The following PCNT variants were observed in gnomAD, a reference collection of about 807,000 sequenced individuals.
PCNT encodes pericentrin, also known as kendrin.
PCNT carries 319 observed loss-of-function variants against 380.4 expected under a neutral mutation model. The ratio of observed to expected loss-of-function variants is 0.84; its 90% CI spans 0.77 to 0.92. PCNT has a LOEUF of 0.92. Among genes scored for constraint, PCNT ranks in the 40% least tolerant of loss-of-function variants. The pLI, the probability that PCNT is intolerant of heterozygous loss-of-function variation, is 0.00. For synonymous variants in PCNT, 1,845 were observed against 1,735.2 expected, an observed-to-expected ratio of 1.06 and a Z score of -1.57; for missense variants, 4,400 against 4,255.3, an observed-to-expected ratio of 1.03 and a Z score of -0.95.
At chr21:46,359,507 T>TTTTTTTTTTTTTTTTTTTTTTTTTTTTA (rs2084626606) in intron 13 of PCNT, among the ~76,000 whole-genome samples, 1 of 120,786 alleles carries the variant, frequency 8.3e-6, no homozygotes, top group Non-Finnish European at 1.8e-5. Context: ...TTTTTTTTTT[T>TTTTTTTTTTTTTTTTTTTTTTTTTTTTA]GAGACAGTGT....
In PCNT at chr21:46,428,486, G is replaced by T. The variant is rs769605015; in HGVS notation, c.7586G>T (p.Arg2529Leu). 1.9e-6 allele frequency: 3 copies of T among 1,612,276 alleles called. No individual in the cohort carries two copies. The highest frequency in any genetic ancestry group is 2.5e-6 in the Non-Finnish European group (3 of 1,179,816). ...SEIQALRAQL[R>L]MTHLQNQEKL... ...ATCCAGGCGCTGCGTGCCCAGCTGC[G>T]CATGACGCACCTGCAGAACCAGGAG... is the stretch of plus-strand genomic sequence containing the variant. The change falls in exon 35 of 47, where the codon CGC becomes CTC. Residue 2529 changes from arginine to leucine, a missense_variant. Coordinates refer to ENST00000359568, the MANE Select transcript of PCNT (RefSeq NM_006031.6).
chr21:46,368,211 C>T (rs1243449454), intron 15 of PCNT, among the ~76,000 whole-genome samples: 2 of 151,894 alleles, frequency 1.3e-5, no homozygotes, highest in Non-Finnish European at 2.9e-5. Flanking sequence ...TTTGGGAGGC[C>T]AAGGCGGGCA....
intron 18 of PCNT, 146 bp downstream of exon 18, chr21:46,389,030 G>A (rs2085940318): frequency 1.4e-6 from 2 of 1,382,348 alleles, no homozygotes; most frequent in African/African-American, 2.9e-5. Flanking sequence ...CTTACAGAAG[G>A]CCGAGACCGG....
intron 3 of PCNT, among the ~76,000 whole-genome samples, chr21:46,339,606 T>A (rs1199134615): frequency 6.6e-6 from 1 of 152,124 alleles, no homozygotes; most frequent in Non-Finnish European, 1.5e-5. Context: ...GGCTAACCAG[T>A]CTAGTCTAGT....
chr21:46,357,984 C>T (rs1181412219), intron 13 of PCNT, among the ~76,000 whole-genome samples: 1 of 152,244 alleles, frequency 6.6e-6, no homozygotes, highest in Non-Finnish European at 1.5e-5. Flanking sequence ...CGACAGCAGC[C>T]TCCACATGGC....
At chr21:46,439,546 C>G (rs556267811) in intron 41 of PCNT, among the ~76,000 whole-genome samples, 1 of 152,318 alleles carries the variant, frequency 6.6e-6, no homozygotes, top group Non-Finnish European at 1.5e-5. Flanking sequence ...GCACCTCATT[C>G]AGTGTAAATG....
At chr21:46,405,975 C>T (rs891232246) in intron 27 of PCNT, among the ~76,000 whole-genome samples, 3 of 152,064 alleles carry the variant, frequency 2.0e-5, no homozygotes, top group African/African-American at 7.2e-5. Context: ...TGTAAAGATG[C>T]GGATGCTATT....
At chr21:46,423,267 T>C (rs1397325582) in intron 32 of PCNT, among the ~76,000 whole-genome samples, 2 of 151,328 alleles carry the variant, frequency 1.3e-5, no homozygotes, top group Non-Finnish European at 2.9e-5. Flanking sequence ...CACAGCTCAC[T>C]GCAACCTCTG....
intron 10 of PCNT, among the ~76,000 whole-genome samples, chr21:46,353,577 C>T (rs2084354378): frequency 6.6e-6 from 1 of 151,834 alleles, no homozygotes; most frequent in Non-Finnish European, 1.5e-5. Context: ...TGGACACGCT[C>T]GTGTAGGCCA....
In PCNT at chr21:46,416,117, G is replaced by T; in HGVS notation, c.6199G>T (p.Val2067Leu). ...TTGTCAGCTGCCGAAGGTCGATCTC[G>T]TAGCTCAGGTGAAACAGCTTCAGGA... ...EDCQLPKVDL[V>L]AQVKQLQEKL... The change falls in exon 30 of 47, where the codon GTA becomes TTA. Residue 2067 changes from valine to leucine, a missense_variant. Transcript: ENST00000359568. The T allele has an allele frequency of 6.2e-7, 1 of 1,614,152 alleles. No homozygotes were observed. The highest frequency in any genetic ancestry group is 8.5e-7 in the Non-Finnish European group (1 of 1,180,022).
chr21:46,391,031 C>T, intron 20 of PCNT, 133 bp from the exon 21 acceptor site: 2 of 1,104,614 alleles, frequency 1.8e-6, no homozygotes, highest in Non-Finnish European at 1.3e-6. Flanking sequence ...GAGGCCTACA[C>T]CTGGGTCCTG....
At chr21:46,426,874 T>G (rs2087529960) in intron 33 of PCNT, among the ~76,000 whole-genome samples, 1 of 152,118 alleles carries the variant, frequency 6.6e-6, no homozygotes, top group African/African-American at 2.4e-5. Flanking sequence ...ATCAAAGCTT[T>G]GTGAGGGAGG....
rs1414447021 is a variant in PCNT at position 46,384,656 on chromosome 21, C to G, written c.3313-1176C>G. 2.8e-5 allele frequency among the ~76,000 whole-genome samples: 4 copies of G among 143,202 alleles called. 1 individual carries two copies. The highest frequency in any genetic ancestry group is 5.2e-5 in the African/African-American group (2 of 38,736). The allele number at this position is 143,202 out of a possible 152,430, so 93.9% of individuals were successfully genotyped here. ...GTGCATTCAGGGGCGGAAGTGCATT[C>G]ACGGTATTGTGCATAGTTCAGTGGC... On this transcript the variant is annotated intron_variant, in intron 16 of 46. Coordinates refer to ENST00000359568, the MANE Select transcript of PCNT (RefSeq NM_006031.6).
Position 46,418,198 on chromosome 21 carries a change from T to G in PCNT, c.6922-6T>G, listed in dbSNP as rs200170919. 3.9e-6 allele frequency: 6 copies of G among 1,543,602 alleles called. No homozygotes were observed. Among genetic ancestry groups the G allele is most frequent in the Non-Finnish European group, 5.4e-6 (6 of 1,117,668 alleles). On this transcript the variant is annotated splice_region_variant and splice_polypyrimidine_tract_variant and intron_variant, in intron 30 of 46. Transcript: ENST00000359568. ...ATTTTATGACCATTTAAAAATCTCT[T>G]AACAGGAGAAAGATGTCGAAGATTT...
intron 18 of PCNT, 108 bp from the exon 19 acceptor site, chr21:46,389,091 G>T: frequency 2.3e-6 from 3 of 1,322,302 alleles, no homozygotes; most frequent in South Asian, 2.5e-5. Context: ...GACTCATCTC[G>T]GCTGGGGCGA....
chr21:46,346,709 T>G, intron 4 of PCNT, 34 bp from the exon 5 acceptor site: 12 of 1,580,134 alleles, frequency 7.6e-6, no homozygotes, highest in Non-Finnish European at 1.0e-5. Flanking sequence ...GTTCTGACCA[T>G]GGGCCCTTAT....
Position 46,353,492 on chromosome 21 carries a change from G to A in PCNT, c.1679+166G>A, listed in dbSNP as rs190109194. On this transcript the variant is annotated intron_variant, in intron 10 of 46. Transcript: ENST00000359568. ...AAAGATGACACAGGCACGGGCACCC[G>A]AGAGTGGCCTGCATGTGTGTGTGCG... is the stretch of plus-strand genomic sequence containing the variant. Among the ~76,000 whole-genome samples the A allele has an allele frequency of 1.1e-3, 161 of 152,288 alleles. 1 individual carries two copies. Among genetic ancestry groups the A allele is most frequent in the African/African-American group, 3.8e-3 (156 of 41,558 alleles).
chr21:46,431,577 T>C lies in PCNT; in HGVS notation c.8113T>C (p.Cys2705Arg). The C allele has an allele frequency of 1.2e-6, 2 of 1,614,094 alleles. No homozygotes were observed. The highest frequency in any genetic ancestry group is 1.7e-6 in the Non-Finnish European group (2 of 1,179,956). ...ETQRAQSSRLCVALKHEQTAK... is the reference protein window; with the variant it reads ...ETQRAQSSRLRVALKHEQTAK... ...ACAGCGTGCTCAGAGCAGTCGACTC[T>C]GCGTGGCACTGAAACACGAGCAGAC... The change falls in exon 38 of 47, where the codon TGC (cysteine) becomes CGC (arginine). Residue 2705 changes from cysteine to arginine, a missense_variant. Physicochemically the swap from Cys to Arg is radical, Grantham distance 180 (BLOSUM62 -3). Transcript: ENST00000359568.
At position 46,350,373 on chromosome 21, in the gene PCNT, C is replaced by G. The variant is rs558326255; in HGVS notation, c.1344+553C>G. Reference sequence around the variant, plus strand: ...ACTAGGTAGGAGTGTAAGGCCACATCCTCTAACCGTGATCCAGTACACACG... The same window carrying G: ...ACTAGGTAGGAGTGTAAGGCCACATGCTCTAACCGTGATCCAGTACACACG... On this transcript the variant is annotated intron_variant, in intron 8 of 46. Coordinates refer to ENST00000359568, the MANE Select transcript of PCNT (RefSeq NM_006031.6). 3.3e-5 allele frequency among the ~76,000 whole-genome samples: 5 copies of G among 152,158 alleles called. No homozygotes were observed. In the South Asian group the frequency reaches 1.0e-3, roughly 32 times the overall value.
Sources: allele counts gnomAD v4.1 joint callset (sites outside exome capture counted in the v4.1 genomes callset), GRCh38; gene constraint gnomAD v4.1.1; transcripts MANE v1.5; gene names NCBI Gene and HGNC (gene_info 2026-07-23, HGNC 2026-07-21).